AP4E1: variants seen among roughly 807,000 people sequenced by gnomAD.
The protein encoded by AP4E1 is AP-4 complex subunit epsilon-1.
AP4E1 carries 56 observed loss-of-function variants against 128.2 expected under a neutral mutation model. That is an observed-to-expected ratio of 0.44 (90% CI 0.35 to 0.55). The LOEUF is 0.55. AP4E1 is among the 20% of genes least tolerant of loss of function. AP4E1 has a pLI of 0.00. For missense variants in AP4E1, 1,324 were observed against 1,307.7 expected (o/e 1.01, Z -0.19); for synonymous variants, 484 against 473.1 (o/e 1.02, Z -0.30).
At chr15:51,001,593 A>G (rs756974549) in intron 20 of AP4E1, among the ~76,000 whole-genome samples, 8 of 152,172 alleles carry the variant, frequency 5.3e-5, no homozygotes, top group Non-Finnish European at 5.9e-5. Flanking sequence ...GGTACCTTAT[A>G]TAAGTGGAAT....
chr15:50,952,760 G>A (rs948818025), intron 13 of AP4E1, among the ~76,000 whole-genome samples: 1 of 94,044 alleles, frequency 1.1e-5, no homozygotes, highest in Non-Finnish European at 2.5e-5. Flanking sequence ...GATGACTACT[G>A]TTAACTATAG....
intron 16 of AP4E1, 96 bp downstream of exon 16, chr15:50,984,241 T>C: frequency 1.4e-6 from 2 of 1,409,634 alleles, no homozygotes; most frequent in Non-Finnish European, 9.9e-7. Flanking sequence ...ATCATCATGG[T>C]CATTATTTGC....
At position 50,941,432 on chromosome 15, in the gene AP4E1, C is replaced by T. The variant is rs772287708; in HGVS notation, c.944-10C>T. On this transcript the variant is annotated splice_polypyrimidine_tract_variant and intron_variant, in intron 8 of 20. Transcript: ENST00000261842. ...CATGATACCTGCCATTTTTATGTTTCTTTTTCTAGCTATTTTGTTTGAATG... is the reference window on the plus strand; with the variant it reads ...CATGATACCTGCCATTTTTATGTTTTTTTTTCTAGCTATTTTGTTTGAATG... 3.7e-6 allele frequency: 6 copies of T among 1,611,200 alleles called. No homozygotes were observed. The highest frequency in any genetic ancestry group is 4.2e-6 in the Non-Finnish European group (5 of 1,178,470).
At chr15:50,989,550 C>G (rs930107186) in intron 16 of AP4E1, among the ~76,000 whole-genome samples, 1 of 151,132 alleles carries the variant, frequency 6.6e-6, no homozygotes, top group Non-Finnish European at 1.5e-5. Flanking sequence ...AATTTTGATA[C>G]TCCAAGCATG....
chr15:51,001,023 C>T lies in AP4E1; in HGVS notation c.3096-3C>T. 6.2e-7 allele frequency: 1 copy of T among 1,606,818 alleles called. No individual in the cohort carries two copies. The highest frequency in any genetic ancestry group is 8.5e-7 in the Non-Finnish European group (1 of 1,174,336). On this transcript the variant is annotated splice_region_variant and splice_polypyrimidine_tract_variant and intron_variant, in intron 19 of 20. Coordinates refer to ENST00000261842, the MANE Select transcript of AP4E1 (RefSeq NM_007347.5). ...TATATCTAATTTTAAAAATTATTTTCAGACCATTAAAAATCTCAAGTGACG... is the reference window on the plus strand; with the variant it reads ...TATATCTAATTTTAAAAATTATTTTTAGACCATTAAAAATCTCAAGTGACG...
chr15:50,944,712 A>G, intron 10 of AP4E1: 1 of 511,810 alleles, frequency 2.0e-6, no homozygotes. Context: ...CTGTGAAACC[A>G]AGTTGGACTT....
intron 6 of AP4E1, 70 bp from the exon 7 acceptor site, chr15:50,930,735 A>G: frequency 6.8e-7 from 1 of 1,463,954 alleles, no homozygotes; most frequent in South Asian, 1.1e-5. Context: ...GTTCTATATG[A>G]CATTTCAATT....
chr15:50,936,141 G>A (rs1482427130), intron 8 of AP4E1, among the ~76,000 whole-genome samples: 1 of 152,118 alleles, frequency 6.6e-6, no homozygotes, highest in Non-Finnish European at 1.5e-5. Flanking sequence ...ATAAACAGTT[G>A]ATATTATATA....
At chr15:50,941,642 T>A in intron 9 of AP4E1, 24 bp from the exon 10 acceptor site, 1 of 1,611,938 alleles carries the variant, frequency 6.2e-7, no homozygotes, top group Non-Finnish European at 8.5e-7. Flanking sequence ...CAATTCACTT[T>A]GTATAATGTG....
At chr15:50,981,404 G>A (rs1345859125) in intron 15 of AP4E1, among the ~76,000 whole-genome samples, 110 of 152,288 alleles carry the variant, frequency 7.2e-4, no homozygotes, top group African/African-American at 2.3e-3. Flanking sequence ...CTTTTGGAAT[G>A]GGAATATCTA....
At chr15:51,000,650 T>A (rs1239689191) in intron 19 of AP4E1, among the ~76,000 whole-genome samples, 2 of 152,208 alleles carry the variant, frequency 1.3e-5, no homozygotes, top group Non-Finnish European at 2.9e-5. Flanking sequence ...TGTATTCATG[T>A]TCTTTTTCAT....
chr15:50,912,862 TCA>T (rs1205552988), intron 2 of AP4E1, among the ~76,000 whole-genome samples: 1 of 152,086 alleles, frequency 6.6e-6, no homozygotes, highest in Non-Finnish European at 1.5e-5. Context: ...GGGGTTTTCA[TCA>T]TGTTGACCAG....
At chr15:50,958,426 G>A (rs1596484258) in intron 13 of AP4E1, 66 bp from the exon 14 acceptor site, 1 of 1,375,338 alleles carries the variant, frequency 7.3e-7, no homozygotes, top group Non-Finnish European at 1.0e-6. Context: ...ACTTTGTTTA[G>A]ATTTTAGTAT....
intron 3 of AP4E1, among the ~76,000 whole-genome samples, chr15:50,922,189 C>T (rs938812968): frequency 3.0e-5 from 4 of 135,308 alleles, no homozygotes; most frequent in Non-Finnish European, 6.5e-5. Flanking sequence ...AAAAAATTAG[C>T]TCGGTGTGAT....
chr15:50,964,958 CACACACA>C (rs2064367937), intron 14 of AP4E1, among the ~76,000 whole-genome samples: 1 of 141,578 alleles, frequency 7.1e-6, no homozygotes, highest in Admixed American at 6.9e-5. Flanking sequence ...CCCCCTACCA[CACACACA>C]CACACACACA....
At chr15:50,946,738 C>T (rs1395500721) in intron 10 of AP4E1, among the ~76,000 whole-genome samples, 2 of 152,156 alleles carry the variant, frequency 1.3e-5, no homozygotes, top group African/African-American at 2.4e-5. Context: ...CAGTATTTCT[C>T]ATATTGATTT....
chr15:50,939,515 A>G (rs2063954736), intron 8 of AP4E1, among the ~76,000 whole-genome samples: 1 of 152,154 alleles, frequency 6.6e-6, no homozygotes, highest in Admixed American at 6.6e-5. Context: ...TTATGAACTT[A>G]TACTTAGATA....
chr15:51,002,425 A>G (rs558503629), intron 20 of AP4E1, 77 bp from the exon 21 acceptor site: 5 of 1,505,956 alleles, frequency 3.3e-6, no homozygotes, highest in East Asian at 2.3e-5. Context: ...CTTATTAGCC[A>G]TTTGTGTATC....
At position 50,993,634 on chromosome 15, in the gene AP4E1, TC is replaced by T; in HGVS notation, c.2346+10del. The T allele has an allele frequency of 1.2e-6, 2 of 1,613,802 alleles. No homozygotes were observed. Among genetic ancestry groups the T allele is most frequent in the South Asian group, 1.1e-5 (1 of 91,066 alleles). On this transcript the variant is annotated intron_variant, in intron 17 of 20. Coordinates refer to ENST00000261842, the MANE Select transcript of AP4E1 (RefSeq NM_007347.5). ...AAAGTACAATCAACCTGGTAAGTAA[TC>T]GGTTCTATTCCTGTAAGAATCTTTG... is the stretch of plus-strand genomic sequence containing the variant.
Sources: gnomAD v4.1 joint callset for allele counts (sites outside exome capture counted in the v4.1 genomes callset) on GRCh38, gnomAD v4.1.1 for gene constraint, MANE v1.5 for transcripts, NCBI Gene and HGNC (gene_info 2026-07-23, HGNC 2026-07-21) for gene names.